KIF16B: variants seen among roughly 807,000 people sequenced by gnomAD.
KIF16B encodes the protein kinesin family member 16B.
In KIF16B, 98 loss-of-function variants were observed where a neutral mutation model predicts 156.3. The ratio of observed to expected loss-of-function variants is 0.63; its 90% confidence interval spans 0.53 to 0.74. KIF16B has a LOEUF of 0.74. KIF16B is among the 30% of genes least tolerant of loss of function. KIF16B has a pLI of 0.00. For missense variants in KIF16B, 1,421 were observed against 1,606.5 expected, an observed-to-expected ratio of 0.88 and a Z score of 1.97; for synonymous variants, 564 against 583.7, an observed-to-expected ratio of 0.97 and a Z score of 0.49.
chr20:16,336,061 G>T, intron 23 of KIF16B, 46 bp from the exon 24 acceptor site: 1 of 1,161,802 alleles, frequency 8.6e-7, no homozygotes, highest in Non-Finnish European at 1.2e-6. Context: ...AGAAGCAAAA[G>T]TCACTAAAAT....
rs148957905 is a variant in KIF16B at position 16,442,334 on chromosome 20, A to ATGTG, written c.1303-12356_1303-12353dup. Among the ~76,000 whole-genome samples the ATGTG allele has an allele frequency of 1.5e-3, 223 of 145,208 alleles. 1 individual carries two copies. The highest frequency in any genetic ancestry group is 4.8e-3 in the African/African-American group (186 of 38,668). On this transcript the variant is annotated intron_variant, in intron 12 of 25. Coordinates refer to ENST00000354981, the MANE Select transcript of KIF16B (RefSeq NM_024704.5). ...ATTGGCTAGATTTAACCATTTCACA[A>ATGTG]TGTGTGTGTGTGTGTATATATATAT...
chr20:16,514,576 A>C (rs2069069290), intron 4 of KIF16B, among the ~76,000 whole-genome samples: 1 of 134,522 alleles, frequency 7.4e-6, no homozygotes, highest in Non-Finnish European at 1.6e-5. Context: ...TCTCACTAAG[A>C]AATAAGAAAA....
At chr20:16,469,029 A>AAT (rs2067578458) in intron 12 of KIF16B, among the ~76,000 whole-genome samples, 1 of 152,100 alleles carries the variant, frequency 6.6e-6, no homozygotes. Context: ...GAGGTGTGAG[A>AAT]ATCGCCTGAG....
chr20:16,292,138 C>CT (rs1331987493), intron 25 of KIF16B, among the ~76,000 whole-genome samples: 1 of 134,392 alleles, frequency 7.4e-6, no homozygotes, highest in African/African-American at 2.9e-5. Context: ...AAAGTCTTAC[C>CT]TTTTTTTAAA....
chr20:16,327,068 T>TACACACACACACACAC (rs35869892), intron 24 of KIF16B, among the ~76,000 whole-genome samples: 1 of 142,976 alleles, frequency 7.0e-6, no homozygotes, highest in African/African-American at 2.6e-5. Flanking sequence ...TGTATACATG[T>TACACACACACACACAC]ACACACACAC....
intron 1 of KIF16B, among the ~76,000 whole-genome samples, chr20:16,552,034 G>A (rs1454033517): frequency 6.6e-6 from 1 of 152,200 alleles, no homozygotes; most frequent in African/African-American, 2.4e-5. Flanking sequence ...CATCAAATGA[G>A]CAGTTCTACT....
rs182638612 is a variant in KIF16B at position 16,433,240 on chromosome 20, C to T, written c.1303-3258G>A. On this transcript the variant is annotated intron_variant, in intron 12 of 25. Coordinates refer to ENST00000354981, the MANE Select transcript of KIF16B (RefSeq NM_024704.5). ...ACCAAACTGCACACACAGTCAGTAG[C>T]CCCATGGCAATGAATTATTACAGGC... Among the ~76,000 whole-genome samples, 431 of 152,216 alleles carry T rather than the reference C, an allele frequency of 2.8e-3. 1 individual carries two copies. The highest frequency in any genetic ancestry group is 9.9e-3 in the African/African-American group (412 of 41,540).
chr20:16,321,986 G>A (rs2063778641), intron 24 of KIF16B, among the ~76,000 whole-genome samples: 1 of 151,980 alleles, frequency 6.6e-6, no homozygotes, highest in Non-Finnish European at 1.5e-5. Context: ...GAATGCTGAA[G>A]GAGAGCTTAA....
intron 17 of KIF16B, among the ~76,000 whole-genome samples, chr20:16,397,407 T>C (rs1417745533): frequency 6.6e-6 from 1 of 152,206 alleles, no homozygotes; most frequent in Non-Finnish European, 1.5e-5. Flanking sequence ...CAAACTATGT[T>C]CCAACTCTAT....
intron 16 of KIF16B, 125 bp downstream of exon 16, chr20:16,406,249 T>A: frequency 2.6e-6 from 2 of 767,340 alleles, no homozygotes; most frequent in Non-Finnish European, 4.5e-6. Flanking sequence ...TCAATCCAGA[T>A]CACAGAACTA....
At chr20:16,498,577 G>T (rs2068521541) in intron 10 of KIF16B, among the ~76,000 whole-genome samples, 1 of 151,982 alleles carries the variant, frequency 6.6e-6, no homozygotes, top group East Asian at 1.9e-4. Flanking sequence ...AGAAAATTCA[G>T]TAAAAATAAA....
intron 1 of KIF16B, among the ~76,000 whole-genome samples, chr20:16,560,180 G>A (rs139524179): frequency 2.0e-4 from 31 of 152,254 alleles, no homozygotes; most frequent in African/African-American, 6.5e-4. Flanking sequence ...CATCTACCTC[G>A]TCAAATGAAA....
intron 3 of KIF16B, among the ~76,000 whole-genome samples, chr20:16,516,260 G>A (rs984805976): frequency 6.6e-6 from 1 of 152,270 alleles, no homozygotes; most frequent in East Asian, 1.9e-4. Context: ...AGGATGGAGA[G>A]GGCAGGGAGA....
At chr20:16,397,524 GT>G (rs879869191) in intron 17 of KIF16B, among the ~76,000 whole-genome samples, 8 of 152,240 alleles carry the variant, frequency 5.3e-5, no homozygotes, top group Admixed American at 5.2e-4. Flanking sequence ...GACATGGGCT[GT>G]TTAGAAAATT....
chr20:16,510,695 G>T (rs150976019), intron 6 of KIF16B, among the ~76,000 whole-genome samples: 42 of 152,238 alleles, frequency 2.8e-4, no homozygotes, highest in African/African-American at 9.4e-4. Context: ...GTTATATCTG[G>T]TATCTCCCAG....
intron 21 of KIF16B, 45 bp downstream of exon 21, chr20:16,371,620 A>T: frequency 1.9e-5 from 21 of 1,129,972 alleles, no homozygotes; most frequent in Non-Finnish European, 2.5e-5. Context: ...AAAAAGAAAG[A>T]TGAACGAACT....
At chr20:16,488,603 T>C (rs1323791232) in intron 12 of KIF16B, among the ~76,000 whole-genome samples, 1 of 152,162 alleles carries the variant, frequency 6.6e-6, no homozygotes, top group African/African-American at 2.4e-5. Context: ...AAGCCAAGCC[T>C]ACAGGTACAC....
chr20:16,551,132 CT>C (rs11474777), intron 1 of KIF16B, among the ~76,000 whole-genome samples: 11,544 of 139,016 alleles, frequency 0.083, 479 homozygotes, highest in Middle Eastern at 0.1. Flanking sequence ...GCTTTCTCTT[CT>C]TTTTTTTTTT....
At chr20:16,518,484 A>G (rs2069219466) in intron 3 of KIF16B, among the ~76,000 whole-genome samples, 1 of 152,198 alleles carries the variant, frequency 6.6e-6, no homozygotes, top group African/African-American at 2.4e-5. Context: ...GGAACTGCCC[A>G]CAAGAGGGCA....
Sources: allele counts gnomAD v4.1 joint callset (sites outside exome capture counted in the v4.1 genomes callset), GRCh38; gene constraint gnomAD v4.1.1; transcripts MANE v1.5; gene names NCBI Gene and HGNC (gene_info 2026-07-23, HGNC 2026-07-21).